Variants in CLCN3 observed in about 807,000 individuals in gnomAD.
The protein encoded by CLCN3 is Cl-/H+ antiporter 3.
Under a neutral mutation model 83.4 loss-of-function variants are expected in CLCN3, and 16 were observed. The observed-to-expected ratio is 0.19, with a 90% CI of 0.13 to 0.29. The LOEUF (loss-of-function observed/expected upper bound fraction) is 0.29, where lower values mean the gene tolerates loss of function less well. CLCN3 is among the 10% of genes least tolerant of loss of function. The pLI, the probability that CLCN3 is intolerant of heterozygous loss-of-function variation, is 1.00. For missense variants in CLCN3, 544 were observed against 1,006.0 expected (o/e 0.54, Z 6.21); for synonymous variants, 322 against 346.2 (o/e 0.93, Z 0.78).
intron 11 of CLCN3, 61 bp from the exon 12 acceptor site, chr4:169,713,018 C>T: frequency 8.3e-7 from 1 of 1,203,186 alleles, no homozygotes; most frequent in African/African-American, 1.5e-5. Context: ...TCTGAATAAA[C>T]AGGTTGCCTA....
At chr4:169,712,014 T>G (rs1437302614) in intron 11 of CLCN3, among the ~76,000 whole-genome samples, 3 of 145,352 alleles carry the variant, frequency 2.1e-5, no homozygotes, top group Non-Finnish European at 4.6e-5. Flanking sequence ...ACCAGCATGC[T>G]TGGCCGATTT....
rs1173188842 is a variant in CLCN3 at position 169,664,394 on chromosome 4, A to AT, written c.161-15650dup. 2.6e-5 allele frequency among the ~76,000 whole-genome samples: 4 copies of AT among 152,026 alleles called. No individual in the cohort carries two copies. The East Asian group carries it at 5.8e-4, about 22-fold the overall frequency. On this transcript the variant is annotated intron_variant, in intron 2 of 12. Transcript: ENST00000513761. ...CTTTTTCTTCCCTTTGAAAAGTATCATTTTTTGCACATTATTTGAAAATCC... is the reference window on the plus strand; with the variant it reads ...CTTTTTCTTCCCTTTGAAAAGTATCATTTTTTTGCACATTATTTGAAAATCC...
At chr4:169,680,342 A>G in intron 3 of CLCN3, 135 bp downstream of exon 3, 1 of 645,416 alleles carries the variant, frequency 1.5e-6, no homozygotes, top group South Asian at 2.6e-5. Context: ...CATATGTGGT[A>G]CATGTTTTTT....
At chr4:169,652,730 A>G (rs1351968849) in intron 2 of CLCN3, among the ~76,000 whole-genome samples, 3 of 152,214 alleles carry the variant, frequency 2.0e-5, no homozygotes, top group Non-Finnish European at 2.9e-5. Context: ...CCAAGAATGT[A>G]TGAGAGCTTC....
chr4:169,632,495 C>G (rs1205013335), intron 1 of CLCN3, among the ~76,000 whole-genome samples: 2 of 151,792 alleles, frequency 1.3e-5, no homozygotes, highest in Non-Finnish European at 2.9e-5. Flanking sequence ...TTTGGGAGGC[C>G]GAGGCGGGCG....
At chr4:169,665,085 A>G (rs1581222370) in intron 2 of CLCN3, among the ~76,000 whole-genome samples, 1 of 152,214 alleles carries the variant, frequency 6.6e-6, no homozygotes, top group East Asian at 1.9e-4. Flanking sequence ...AAATTTAGCA[A>G]ATTTTATAAA....
chr4:169,620,741 T>C lies in CLCN3; in HGVS notation c.-339T>C. 1 of 398,606 alleles carries C rather than the reference T, an allele frequency of 2.5e-6. No individual in the cohort carries two copies. Among genetic ancestry groups the C allele is most frequent in the Non-Finnish European group, 4.4e-6 (1 of 226,074 alleles). 24.7% of individuals were successfully genotyped at this position (398,606 alleles called of 1,614,324 possible). A position where few individuals can be genotyped will look rare whatever the true frequency, so the allele number is the denominator to read the frequency against. On this transcript the variant is annotated 5_prime_UTR_variant, in exon 1 of 13. Transcript: ENST00000513761. ...TTAGAGCATGGATTCAGTTTTAGTC[T>C]TAAGGGGGAAGTGAGATTGGAGATT...
At chr4:169,621,376 A>G (rs1380234135) in intron 1 of CLCN3, among the ~76,000 whole-genome samples, 1 of 152,236 alleles carries the variant, frequency 6.6e-6, no homozygotes, top group East Asian at 1.9e-4. Context: ...CAATTTAAAA[A>G]TAATATTCAG....
rs564893006 is a variant in CLCN3, at chr4:169,628,926, A to G, written c.-16-6987A>G. On this transcript the variant is annotated intron_variant, in intron 1 of 12. Transcript: ENST00000513761. The stretch of plus-strand genomic sequence containing the variant: ...TCTTCAGTGGGTGAATGGTTAAACA[A>G]ACTGTGGCATATCTGTTATCATAGA... Among the ~76,000 whole-genome samples, 3 of 152,360 alleles carry G rather than the reference A, an allele frequency of 2.0e-5. No individual in the cohort carries two copies. The East Asian group carries it at 5.8e-4, about 29-fold the overall frequency.
At chr4:169,670,701 C>A (rs185959602) in intron 2 of CLCN3, among the ~76,000 whole-genome samples, 29 of 152,110 alleles carry the variant, frequency 1.9e-4, no homozygotes, top group Non-Finnish European at 1.5e-5. Context: ...TAAATTACTT[C>A]GGGCAGTATG....
At chr4:169,639,515 G>A (rs1730340237) in intron 2 of CLCN3, among the ~76,000 whole-genome samples, 1 of 152,218 alleles carries the variant, frequency 6.6e-6, no homozygotes, top group Non-Finnish European at 1.5e-5. Flanking sequence ...GTTGTAAAGG[G>A]AAGATAATGC....
chr4:169,706,179 C>T (rs532987361), intron 10 of CLCN3, among the ~76,000 whole-genome samples: 1 of 152,130 alleles, frequency 6.6e-6, no homozygotes, highest in East Asian at 1.9e-4. Context: ...CAGACATACA[C>T]CACCATGCAT....
chr4:169,621,016 G>C lies in CLCN3; in HGVS notation c.-64G>C, dbSNP rs1213990945. ...TTTGAAACAGATGCAGAATCCAAAGGCAGCGCAAAAAACAGCCACCGATTT... is the reference window on the plus strand; with the variant it reads ...TTTGAAACAGATGCAGAATCCAAAGCCAGCGCAAAAAACAGCCACCGATTT... On this transcript the variant is annotated 5_prime_UTR_variant, in exon 1 of 13. Coordinates refer to ENST00000513761, the MANE Select transcript of CLCN3 (RefSeq NM_001829.4). 2 of 397,704 alleles carry C rather than the reference G, an allele frequency of 5.0e-6. No homozygotes were observed. Among genetic ancestry groups the C allele is most frequent in the Non-Finnish European group, 8.9e-6 (2 of 225,972 alleles). 24.6% of individuals were successfully genotyped at this position (397,704 alleles called of 1,614,324 possible). A position where few individuals can be genotyped will look rare whatever the true frequency, so the allele number is the denominator to read the frequency against.
At position 169,720,120 on chromosome 4, in the gene CLCN3, T is replaced by C; in HGVS notation, c.*123T>C. The C allele has an allele frequency of 6.7e-7, 1 of 1,489,000 alleles. No homozygotes were observed. 92.2% of individuals were successfully genotyped at this position (1,489,000 alleles called of 1,614,324 possible). On this transcript the variant is annotated 3_prime_UTR_variant, in exon 13 of 13. Transcript: ENST00000513761. ...CCTTTACAAAAAAAGAAAGGAAATATAAAAGCCGGGTTTTTGCAACATGGT... is the reference window on the plus strand; with the variant it reads ...CCTTTACAAAAAAAGAAAGGAAATACAAAAGCCGGGTTTTTGCAACATGGT...
In CLCN3 at chr4:169,719,976, C is replaced by T. The variant is rs764787121; in HGVS notation, c.2436C>T (p.Pro812=). ...TGGCCCAGACGGCAAACCAAGACCC[C>T]GCTTCAATAATGTTCAACTGAATCT... ...RHMAQTANQD[P]ASIMFN Residue 812 remains proline, a synonymous_variant, in exon 13 of 13, where the codon CCC becomes CCT. Coordinates refer to ENST00000513761, the MANE Select transcript of CLCN3 (RefSeq NM_001829.4). 1.3e-5 allele frequency: 21 copies of T among 1,613,756 alleles called. No homozygotes were observed. The highest frequency in any genetic ancestry group is 3.3e-4 in the Middle Eastern group (2 of 6,082).
intron 1 of CLCN3, among the ~76,000 whole-genome samples, chr4:169,628,304 A>G (rs564788812): frequency 6.6e-6 from 1 of 152,342 alleles, no homozygotes; most frequent in South Asian, 2.1e-4. Flanking sequence ...CAAAATTGAT[A>G]AATTAAACTT....
Position 169,682,719 on chromosome 4 carries a change from AT to A in CLCN3, c.318+2515del, listed in dbSNP as rs796830059. Among the ~76,000 whole-genome samples the A allele has an allele frequency of 1.6e-4, 24 of 152,320 alleles. No individual in the cohort carries two copies. In the East Asian group the frequency reaches 4.2e-3, roughly 27 times the overall value. On this transcript the variant is annotated intron_variant, in intron 3 of 12. Coordinates refer to ENST00000513761, the MANE Select transcript of CLCN3 (RefSeq NM_001829.4). ...TTACTGCTTCATCAAAGATGCTCTTATTTGAAACTGGCATAATATGATTTAT... is the reference window on the plus strand; with the variant it reads ...TTACTGCTTCATCAAAGATGCTCTTATTGAAACTGGCATAATATGATTTAT...
chr4:169,670,498 A>T (rs181316185), intron 2 of CLCN3, among the ~76,000 whole-genome samples: 1 of 152,132 alleles, frequency 6.6e-6, no homozygotes, highest in African/African-American at 2.4e-5. Flanking sequence ...TACCAGTACT[A>T]TGCTGTTTTG....
At chr4:169,674,994 A>C (rs1374340423) in intron 2 of CLCN3, among the ~76,000 whole-genome samples, 2 of 152,224 alleles carry the variant, frequency 1.3e-5, no homozygotes, top group Non-Finnish European at 2.9e-5. Context: ...CGTCCTCCTC[A>C]GCCTGCCAAA....
Sources: gnomAD v4.1 joint callset for allele counts (sites outside exome capture counted in the v4.1 genomes callset) on GRCh38, gnomAD v4.1.1 for gene constraint, MANE v1.5 for transcripts, NCBI Gene and HGNC (gene_info 2026-07-23, HGNC 2026-07-21) for gene names.